The following HEXB variants were observed in gnomAD, a reference collection of about 807,000 sequenced individuals.
HEXB encodes the protein beta-hexosaminidase subunit beta.
HEXB carries 51 observed loss-of-function variants against 71.2 expected under a neutral mutation model. That is an observed-to-expected ratio of 0.72 (90% CI 0.57 to 0.90). The LOEUF (loss-of-function observed/expected upper bound fraction) is 0.90. HEXB is among the 40% of genes least tolerant of loss of function. HEXB has a pLI of 0.00. For missense variants in HEXB, 617 were observed against 677.0 expected (o/e 0.91, Z 0.98); for synonymous variants, 266 against 249.3 (o/e 1.07, Z -0.63).
At chr5:74,662,828 T>C (rs1429038180) in intron 1 of HEXB, among the ~76,000 whole-genome samples, 7 of 152,206 alleles carry the variant, frequency 4.6e-5, no homozygotes, top group Non-Finnish European at 7.3e-5. Flanking sequence ...GATGTGGTCC[T>C]AGAGCAGAAA....
intron 1 of HEXB, among the ~76,000 whole-genome samples, chr5:74,679,500 T>C (rs1170743686): frequency 1.3e-5 from 2 of 152,104 alleles, no homozygotes; most frequent in African/African-American, 4.8e-5. Flanking sequence ...GAGCAAGATA[T>C]GCTAAAGGGA....
chr5:74,656,940 A>G (rs67223559), intron 1 of HEXB, among the ~76,000 whole-genome samples: 40,931 of 152,020 alleles, frequency 0.27, 5,916 homozygotes, highest in Admixed American at 0.37. Context: ...AGTCTCTCTC[A>G]TCTCAGTAAC....
chr5:74,659,436 G>A (rs1047352718), intron 1 of HEXB, among the ~76,000 whole-genome samples: 1 of 152,184 alleles, frequency 6.6e-6, no homozygotes, highest in South Asian at 2.1e-4. Flanking sequence ...CTGTCTCAGG[G>A]AAATTACAAA....
At chr5:74,664,430 TAAA>T (rs397998152) in intron 1 of HEXB, among the ~76,000 whole-genome samples, 2,386 of 79,552 alleles carry the variant, frequency 0.03, 67 homozygotes, top group Admixed American at 0.095. Flanking sequence ...ATTCTATCTC[TAAA>T]AAAAAAAAAA....
At chr5:74,671,209 G>A (rs544058250) in intron 1 of HEXB, among the ~76,000 whole-genome samples, 118 of 152,120 alleles carry the variant, frequency 7.8e-4, no homozygotes, top group South Asian at 5.4e-3. Flanking sequence ...AATAATAATC[G>A]TCTCCTCATT....
chr5:74,699,088 GAC>G (rs1236588525), intron 5 of HEXB, among the ~76,000 whole-genome samples: 1 of 152,062 alleles, frequency 6.6e-6, no homozygotes, highest in Non-Finnish European at 1.5e-5. Flanking sequence ...GGGAGGCTGA[GAC>G]ACAAAATCGC....
At chr5:74,650,967 T>C (rs1222385688) in intron 1 of HEXB, among the ~76,000 whole-genome samples, 2 of 151,722 alleles carry the variant, frequency 1.3e-5, no homozygotes, top group Non-Finnish European at 2.9e-5. Flanking sequence ...AAAATAAATG[T>C]TTTTTAATAC....
chr5:74,705,533 A>G lies in HEXB; in HGVS notation c.771+213A>G, dbSNP rs1162524252. The G allele has an allele frequency of 5.5e-6, 3 of 544,130 alleles. No homozygotes were observed. The African/African-American group carries it at 5.7e-5, about 10-fold the overall frequency. The allele number at this position is 544,130 out of a possible 1,614,324, so 33.7% of individuals were successfully genotyped here. A position where few individuals can be genotyped will look rare whatever the true frequency, so the allele number is the denominator to read the frequency against. On this transcript the variant is annotated intron_variant, in intron 6 of 13. Transcript: ENST00000261416. The stretch of plus-strand genomic sequence containing the variant: ...GGTTACTGTAATTGTTACTGTGAAT[A>G]TAAACAATCTTGGGGAAGTGTAAAT...
chr5:74,711,710 A>T (rs1320386364), intron 6 of HEXB, among the ~76,000 whole-genome samples: 1 of 152,108 alleles, frequency 6.6e-6, no homozygotes, highest in Non-Finnish European at 1.5e-5. Context: ...CCGTCAGAGA[A>T]ATGCAAATCA....
chr5:74,656,263 G>A (rs1010959776), intron 1 of HEXB, among the ~76,000 whole-genome samples: 1 of 152,066 alleles, frequency 6.6e-6, no homozygotes, highest in African/African-American at 2.4e-5. Flanking sequence ...TGGATCACTT[G>A]AGGTCAGCAG....
chr5:74,654,010 G>T (rs949325406), intron 1 of HEXB, among the ~76,000 whole-genome samples: 3 of 152,016 alleles, frequency 2.0e-5, no homozygotes, highest in Non-Finnish European at 4.4e-5. Context: ...TCCTATGGAC[G>T]CCAGCTTGAG....
chr5:74,664,947 A>T (rs1282782635), intron 1 of HEXB, among the ~76,000 whole-genome samples: 1 of 152,194 alleles, frequency 6.6e-6, no homozygotes, highest in Admixed American at 6.5e-5. Flanking sequence ...ACGCCCTTGG[A>T]GAAGCGCATT....
intron 11 of HEXB, chr5:74,720,170 T>TTAATCTATGGTGCTA (rs1417280141): frequency 8.0e-6 from 4 of 497,020 alleles, no homozygotes; most frequent in Non-Finnish European, 1.5e-5. Flanking sequence ...GCCCACTACA[T>TTAATCTATGGTGCTA]TAATCTATGG....
chr5:74,690,649 C>CAAAAAAAAAAAAAAAAA (rs60786265), intron 2 of HEXB, among the ~76,000 whole-genome samples: 2 of 59,700 alleles, frequency 3.4e-5, no homozygotes, highest in Admixed American at 2.4e-4. Flanking sequence ...GAGACAGTCT[C>CAAAAAAAAAAAAAAAAA]AAAAAAAAAA....
chr5:74,644,788 T>C (rs1561198709), intron 1 of HEXB, among the ~76,000 whole-genome samples: 1 of 143,364 alleles, frequency 7.0e-6, no homozygotes, highest in African/African-American at 2.6e-5. Context: ...TTTTTTTTTT[T>C]TGAGACAGAG....
chr5:74,720,435 G>T lies in HEXB; in HGVS notation c.1425G>T (p.Gln475His), dbSNP rs1441965479. Reference protein sequence around the residue: ...KVEPLDFGGTQKQKQLFIGGE... With the variant: ...KVEPLDFGGTHKQKQLFIGGE... ...TCAATGATTTTAATTTAGGTACTCA[G>T]AAACAGAAACAACTTTTCATTGGTG... The change falls in exon 12 of 14, where the codon CAG becomes CAT. Residue 475 changes from glutamine (Q) to histidine (H), a missense_variant. Physicochemically the swap from Gln to His is conservative, Grantham distance 24. Coordinates refer to ENST00000261416, the MANE Select transcript of HEXB (RefSeq NM_000521.4). The T allele has an allele frequency of 6.2e-7, 1 of 1,609,264 alleles. No homozygotes were observed. The highest frequency in any genetic ancestry group is 1.3e-5 in the African/African-American group (1 of 74,846).
chr5:74,665,993 C>T (rs191166521), intron 1 of HEXB, among the ~76,000 whole-genome samples: 1 of 152,304 alleles, frequency 6.6e-6, no homozygotes, highest in Admixed American at 6.5e-5. Flanking sequence ...AGAAGTACCA[C>T]ATCTGGTCAT....
chr5:74,655,348 T>G (rs1748198718), intron 1 of HEXB, among the ~76,000 whole-genome samples: 1 of 140,078 alleles, frequency 7.1e-6, no homozygotes, highest in Non-Finnish European at 1.5e-5. Context: ...AGGATCTCGC[T>G]CTGTCACCCA....
intron 1 of HEXB, among the ~76,000 whole-genome samples, chr5:74,657,889 T>C (rs1374310384): frequency 3.3e-5 from 5 of 152,204 alleles, no homozygotes; most frequent in Admixed American, 6.5e-5. Flanking sequence ...GCTTTTGTTG[T>C]ATATGAAGTC....
Sources: gnomAD v4.1 joint callset for allele counts (sites outside exome capture counted in the v4.1 genomes callset) on GRCh38, gnomAD v4.1.1 for gene constraint, MANE v1.5 for transcripts, NCBI Gene and HGNC (gene_info 2026-07-23, HGNC 2026-07-21) for gene names.